The following INPP5D variants were observed in gnomAD, a reference collection of about 807,000 sequenced individuals.
INPP5D encodes phosphatidylinositol 3,4,5-trisphosphate 5-phosphatase 1.
Under a neutral mutation model 122.9 loss-of-function variants are expected in INPP5D, and 33 were observed. The ratio of observed to expected loss-of-function variants is 0.27; its 90% CI spans 0.20 to 0.36. The LOEUF (loss-of-function observed/expected upper bound fraction) is 0.36. Among genes scored for constraint, INPP5D ranks in the 10% least tolerant of loss-of-function variants. The pLI is 1.00. For synonymous variants in INPP5D, 584 were observed against 576.2 expected (o/e 1.01, Z -0.19); for missense variants, 1,053 against 1,412.7 (o/e 0.75, Z 4.08).
intron 1 of INPP5D, among the ~76,000 whole-genome samples, chr2:233,075,052 G>C (rs1213040659): frequency 1.3e-5 from 2 of 152,172 alleles, no homozygotes; most frequent in African/African-American, 4.8e-5. Context: ...ACCTGGTCCA[G>C]AAATGCTCTT....
intron 9 of INPP5D, 107 bp from the exon 10 acceptor site, chr2:233,158,206 C>T (rs1036838817): frequency 8.3e-6 from 5 of 602,110 alleles, no homozygotes; most frequent in African/African-American, 7.4e-5. Flanking sequence ...ACTCGGGGCT[C>T]AGCTTGGGGA....
intron 4 of INPP5D, among the ~76,000 whole-genome samples, chr2:233,127,289 C>T (rs1693190518): frequency 6.6e-6 from 1 of 152,148 alleles, no homozygotes; most frequent in African/African-American, 2.4e-5. Flanking sequence ...AACTTCTGTT[C>T]GGAGATGGGA....
intron 18 of INPP5D, among the ~76,000 whole-genome samples, chr2:233,181,389 G>T (rs1036990382): frequency 1.3e-5 from 2 of 151,964 alleles, no homozygotes; most frequent in East Asian, 3.9e-4. Context: ...TCCTTTGCCC[G>T]CCCATTCATG....
intron 1 of INPP5D, among the ~76,000 whole-genome samples, chr2:233,068,637 G>C (rs1420482174): frequency 6.6e-6 from 1 of 152,156 alleles, no homozygotes; most frequent in Non-Finnish European, 1.5e-5. Flanking sequence ...TGAGCTAAAA[G>C]TGACTAGTGA....
At chr2:233,107,758 C>T (rs548973835) in intron 2 of INPP5D, among the ~76,000 whole-genome samples, 125 of 152,200 alleles carry the variant, frequency 8.2e-4, no homozygotes, top group African/African-American at 2.8e-3. Context: ...TGGGAAGAAC[C>T]GGGTGTCTGG....
chr2:233,165,684 CTATG>C (rs1468660476), intron 13 of INPP5D, among the ~76,000 whole-genome samples: 2 of 151,378 alleles, frequency 1.3e-5, no homozygotes, highest in Admixed American at 6.6e-5. Flanking sequence ...TTATGTGAGT[CTATG>C]TATGTGAGTC....
intron 2 of INPP5D, among the ~76,000 whole-genome samples, chr2:233,104,435 G>C (rs1317098297): frequency 6.6e-6 from 1 of 152,136 alleles, no homozygotes; most frequent in Admixed American, 6.5e-5. Context: ...CACACTTAGG[G>C]CACCCTGGTA....
At chr2:233,101,150 A>G (rs1425966753) in intron 2 of INPP5D, among the ~76,000 whole-genome samples, 2 of 152,206 alleles carry the variant, frequency 1.3e-5, no homozygotes, top group Non-Finnish European at 1.5e-5. Flanking sequence ...ACCACATGCC[A>G]TGGTAAACCT....
chr2:233,096,194 G>C (rs1692135035), intron 2 of INPP5D, among the ~76,000 whole-genome samples: 1 of 152,178 alleles, frequency 6.6e-6, no homozygotes, highest in African/African-American at 2.4e-5. Context: ...CTGCCAAACT[G>C]CTTTGCCCGG....
At position 233,170,439 on chromosome 2, in the gene INPP5D, G is replaced by A. The variant is rs200724410; in HGVS notation, c.1792-57G>A. 172 of 1,609,480 alleles carry A rather than the reference G, an allele frequency of 1.1e-4. No individual in the cohort carries two copies. The highest frequency in any genetic ancestry group is 7.1e-4 in the Middle Eastern group (4 of 5,648). ...CTGCCCGCCCCCAGCCCCGAAGCTT[G>A]TCAGGCCTGGATCAGCAGGGCTTCT... On this transcript the variant is annotated intron_variant, in intron 15 of 26. Transcript: ENST00000445964. The surrounding 1 kb of genome is among the most constrained non-coding windows in gnomAD (Gnocchi z 4.5).
intron 9 of INPP5D, 113 bp downstream of exon 9, chr2:233,147,707 C>T (rs1327658909): frequency 1.3e-5 from 8 of 636,628 alleles, no homozygotes; most frequent in African/African-American, 3.6e-5. Context: ...CGCACGCATG[C>T]GCGCCTGCGC....
chr2:233,097,878 G>T (rs1485490869), intron 2 of INPP5D, among the ~76,000 whole-genome samples: 1 of 151,596 alleles, frequency 6.6e-6, no homozygotes, highest in Non-Finnish European at 1.5e-5. Context: ...TGGTGCTTTT[G>T]GTTGTCTCAT....
At position 233,105,825 on chromosome 2, in the gene INPP5D, G is replaced by A. The variant is rs1352942136; in HGVS notation, c.199-16282G>A. Among the ~76,000 whole-genome samples the A allele has an allele frequency of 6.6e-6, 1 of 152,134 alleles. No homozygotes were observed. The highest frequency in any genetic ancestry group is 2.4e-5 in the African/African-American group (1 of 41,430). The stretch of plus-strand genomic sequence containing the variant: ...GCCAGGGAGAGAGTGGCTCTGGGGG[G>A]CCACAGTGGGGTTCTGGCTTGTTGG... On this transcript the variant is annotated intron_variant, in intron 2 of 26. Transcript: ENST00000445964. The surrounding 1 kb of genome is among the most constrained non-coding windows in gnomAD (Gnocchi z 4.0).
At chr2:233,079,106 C>A (rs1472928035) in intron 1 of INPP5D, among the ~76,000 whole-genome samples, 4 of 152,104 alleles carry the variant, frequency 2.6e-5, no homozygotes, top group Admixed American at 6.5e-5. Context: ...CCCCCCCCAA[C>A]CTTTTCCTGG....
chr2:233,198,236 C>A lies in INPP5D; in HGVS notation c.2835C>A (p.Asp945Glu). 3 of 1,613,632 alleles carry A rather than the reference C, an allele frequency of 1.9e-6. No homozygotes were observed. The highest frequency in any genetic ancestry group is 2.2e-5 in the South Asian group (2 of 91,086). ...AGCAGCCCACAGCCTGGAGCTACGA[C>A]CAGCCGCCCAAGGACTCCCCGCTGG... ...PDQQPTAWSY[D>E]QPPKDSPLGP... Residue 945 changes from aspartate to glutamate, a missense_variant, in exon 25 of 27, where the codon GAC (aspartate) becomes GAA (glutamate). This residue lies in a region of INPP5D where 417 missense variants were observed against 425.8 expected (regional missense o/e 0.98). Coordinates refer to ENST00000445964, the MANE Select transcript of INPP5D (RefSeq NM_001017915.3).
In INPP5D at chr2:233,204,707, C is replaced by A. The variant is rs761970630; in HGVS notation, c.3557C>A (p.Thr1186Asn). Reference sequence around the variant, plus strand: ...GGGCCACCAGGGCCTCTAGGCAGGACTGCCATGCAGGTGCGCTGCGCCACA... The same window carrying A: ...GGGCCACCAGGGCCTCTAGGCAGGAATGCCATGCAGGTGCGCTGCGCCACA... Reference protein sequence around the residue: ...EEGPPGPLGRTAMQ With the variant: ...EEGPPGPLGRNAMQ The change falls in exon 26 of 27, where the codon ACT becomes AAT. Residue 1186 changes from threonine (T) to asparagine (N), a missense_variant. Physicochemically the swap from Thr to Asn is moderately conservative, Grantham distance 65. Around this residue, in one of 6 missense-constraint regions of INPP5D, gnomAD observed 417 missense variants for 425.8 expected, o/e 0.98. Transcript: ENST00000445964. 6.5e-7 allele frequency: 1 copy of A among 1,530,198 alleles called. No individual in the cohort carries two copies. The highest frequency in any genetic ancestry group is 2.0e-5 in the Admixed American group (1 of 49,942). The allele number at this position is 1,530,198 out of a possible 1,614,324, so 94.8% of individuals were successfully genotyped here.
chr2:233,163,744 T>C lies in INPP5D; in HGVS notation c.1278T>C (p.Phe426=). ...APPPKKITSW[F]LSKGQGKTRD... is the part of the protein sequence containing the mutation. Reference sequence around the variant, plus strand: ...CTCCCAAGAAGATCACGTCCTGGTTTCTCTCCAAGGGGCAGGGAAAGACGC... The same window carrying C: ...CTCCCAAGAAGATCACGTCCTGGTTCCTCTCCAAGGGGCAGGGAAAGACGC... The change falls in exon 12 of 27, where the codon TTT becomes TTC. Residue 426 remains phenylalanine, a synonymous_variant. Transcript: ENST00000445964. 6.2e-7 allele frequency: 1 copy of C among 1,613,924 alleles called. No individual in the cohort carries two copies.
intron 2 of INPP5D, among the ~76,000 whole-genome samples, chr2:233,111,543 C>T (rs1318151026): frequency 3.3e-5 from 5 of 152,306 alleles, no homozygotes; most frequent in Admixed American, 3.3e-4. Flanking sequence ...TGTAGACTGT[C>T]CCTGTCCCTC....
chr2:233,067,817 A>G (rs1359843817), intron 1 of INPP5D, among the ~76,000 whole-genome samples: 1 of 152,216 alleles, frequency 6.6e-6, no homozygotes, highest in Admixed American at 6.5e-5. Flanking sequence ...GTTAATGGCC[A>G]TTTGTATTTG....
Sources: gnomAD v4.1 joint callset for allele counts (sites outside exome capture counted in the v4.1 genomes callset) on GRCh38, gnomAD v4.1.1 for gene constraint, gnomAD v4.1.1 regional missense constraint, Gnocchi (gnomAD v3.1) non-coding constraint, MANE v1.5 for transcripts, NCBI Gene and HGNC (gene_info 2026-07-23, HGNC 2026-07-21) for gene names.